The following AEBP2 variants were observed in gnomAD, a reference collection of about 807,000 sequenced individuals.
AEBP2 encodes the protein zinc finger protein AEBP2.
A neutral mutation model predicts 50.8 loss-of-function variants in AEBP2; 10 were observed. The observed-to-expected ratio is 0.20, with a 90% confidence interval of 0.12 to 0.33. The LOEUF is 0.33. Ranked by LOEUF, AEBP2 falls within the 10% of genes least tolerant of loss-of-function variation. The pLI is 1.00. For missense variants in AEBP2, 570 were observed against 688.0 expected (o/e 0.83, Z 1.92); for synonymous variants, 296 against 261.3 (o/e 1.13, Z -1.28).
rs1949392781 is a variant in AEBP2 at position 19,521,204 on chromosome 12, T to G, written c.*3087T>G. ...GACAAAAAGTTTGGAAACATAAACT[T>G]AGACCACACAACTTGCATTTTAATA... On this transcript the variant is annotated 3_prime_UTR_variant, in exon 8 of 8. Transcript: ENST00000266508. The G allele has an allele frequency of 2.0e-5, 3 of 152,340 alleles. No homozygotes were observed. The South Asian group carries it at 6.2e-4, about 32-fold the overall frequency. The allele number at this position is 152,340 out of a possible 1,614,324, so 9.4% of individuals were successfully genotyped here. A position where few individuals can be genotyped will look rare whatever the true frequency, so the allele number is the denominator to read the frequency against.
At chr12:19,415,982 A>G (rs777263259) in intron 1 of AEBP2, among the ~76,000 whole-genome samples, 1 of 152,180 alleles carries the variant, frequency 6.6e-6, no homozygotes, top group African/African-American at 2.4e-5. Context: ...TGAGAGTTCC[A>G]GACCAGCCTG....
chr12:19,457,571 A>G (rs1948293023), intron 1 of AEBP2: 3 of 1,484,666 alleles, frequency 2.0e-6, no homozygotes, highest in Non-Finnish European at 2.7e-6. Context: ...TGTAGTTCAG[A>G]TGGCCAGTAG....
intron 3 of AEBP2, among the ~76,000 whole-genome samples, chr12:19,485,817 G>C (rs1022198158): frequency 2.6e-5 from 4 of 151,784 alleles, no homozygotes; most frequent in African/African-American, 9.7e-5. Flanking sequence ...TTCTTCAATA[G>C]TGACCTATGA....
chr12:19,465,386 T>A (rs1200197786), intron 2 of AEBP2, among the ~76,000 whole-genome samples: 1 of 151,718 alleles, frequency 6.6e-6, no homozygotes, highest in Non-Finnish European at 1.5e-5. Context: ...AGAATGAGAC[T>A]CTGTCTCAAA....
intron 3 of AEBP2, among the ~76,000 whole-genome samples, chr12:19,481,276 T>A (rs529253340): frequency 6.6e-6 from 1 of 151,106 alleles, no homozygotes. Flanking sequence ...AAGTTTTGTA[T>A]TTTTTTAGTA....
intron 1 of AEBP2, among the ~76,000 whole-genome samples, chr12:19,450,423 T>C (rs1948146774): frequency 6.6e-6 from 1 of 150,922 alleles, no homozygotes; most frequent in Admixed American, 6.7e-5. Context: ...TCTGCCTGAA[T>C]GGGTCAAATT....
chr12:19,456,061 C>T (rs2153369026), intron 1 of AEBP2, among the ~76,000 whole-genome samples: 1 of 152,076 alleles, frequency 6.6e-6, no homozygotes, highest in Non-Finnish European at 1.5e-5. Flanking sequence ...TTAAAACTGC[C>T]ACGCGCAAAA....
chr12:19,453,673 C>G (rs1948208126), intron 1 of AEBP2, among the ~76,000 whole-genome samples: 1 of 152,164 alleles, frequency 6.6e-6, no homozygotes. Flanking sequence ...ATCCACCCGC[C>G]TTGGCCTCCC....
At chr12:19,429,892 A>G (rs553936877) in intron 1 of AEBP2, among the ~76,000 whole-genome samples, 1 of 151,668 alleles carries the variant, frequency 6.6e-6, no homozygotes, top group East Asian at 1.9e-4. Context: ...TTGTCAGATG[A>G]GTAGATTGCA....
rs1008208425 is a variant in AEBP2, at chr12:19,518,444, T to G, written c.*327T>G. On this transcript the variant is annotated 3_prime_UTR_variant, in exon 8 of 8. Coordinates refer to ENST00000266508, the MANE Select transcript of AEBP2 (RefSeq NM_153207.5). ...TGCTTGCTGCTTTAAGCTGCTTTTT[T>G]TTTTCTTTTCTTCCCTTTAGTGATT... is the stretch of plus-strand genomic sequence containing the variant. The G allele has an allele frequency of 2.4e-6, 3 of 1,237,610 alleles. No homozygotes were observed. The highest frequency in any genetic ancestry group is 3.0e-6 in the Non-Finnish European group (3 of 988,786). The allele number at this position is 1,237,610 out of a possible 1,614,324, so 76.7% of individuals were successfully genotyped here.
chr12:19,498,824 C>A, intron 4 of AEBP2, among the ~76,000 whole-genome samples: 1 of 151,970 alleles, frequency 6.6e-6, no homozygotes, highest in East Asian at 1.9e-4. Flanking sequence ...CACTAAAATA[C>A]TGCCTACTCT....
At chr12:19,446,228 G>T (rs995810459) in intron 1 of AEBP2, among the ~76,000 whole-genome samples, 1 of 152,100 alleles carries the variant, frequency 6.6e-6, no homozygotes, top group Non-Finnish European at 1.5e-5. Context: ...GAAACATGAC[G>T]GTATCTCCTC....
At chr12:19,413,452 G>C in intron 1 of AEBP2, 2 of 1,102,226 alleles carry the variant, frequency 1.8e-6, no homozygotes, top group Non-Finnish European at 2.8e-6. Context: ...TGAAGAAGAC[G>C]ATTATTGAAC....
chr12:19,456,152 T>C, intron 1 of AEBP2: 1 of 848,608 alleles, frequency 1.2e-6, no homozygotes, highest in Non-Finnish European at 1.8e-6. Flanking sequence ...AGTCTTTTAC[T>C]ACTAAACTTA....
At chr12:19,407,584 G>A (rs1014399402) in intron 1 of AEBP2, among the ~76,000 whole-genome samples, 5 of 152,118 alleles carry the variant, frequency 3.3e-5, no homozygotes, top group Non-Finnish European at 4.4e-5. Flanking sequence ...TTACAGGCGT[G>A]AGCCACTACG....
chr12:19,517,948 A>C (rs1949344272), intron 7 of AEBP2, 139 bp from the exon 8 acceptor site: 2 of 785,748 alleles, frequency 2.5e-6, no homozygotes, highest in African/African-American at 3.6e-5. Flanking sequence ...CATATGTATA[A>C]ATGTTTTGGA....
chr12:19,450,882 A>T (rs1948156721), intron 1 of AEBP2, among the ~76,000 whole-genome samples: 1 of 151,348 alleles, frequency 6.6e-6, no homozygotes, highest in South Asian at 2.1e-4. Context: ...GTTGCACTAA[A>T]GGAGTATTAG....
At chr12:19,488,845 A>C (rs984195033) in intron 3 of AEBP2, among the ~76,000 whole-genome samples, 1 of 152,128 alleles carries the variant, frequency 6.6e-6, no homozygotes, top group African/African-American at 2.4e-5. Context: ...CACCCAGAGC[A>C]ATGGTGCGAT....
upstream of AEBP2, among the ~76,000 whole-genome samples, chr12:19,435,428 G>A (rs1347425430): frequency 1.3e-5 from 2 of 152,016 alleles, no homozygotes; most frequent in African/African-American, 2.4e-5. Flanking sequence ...TGTAGAGATA[G>A]GGTTTCACCT....
Sources: gnomAD v4.1 joint callset for allele counts (sites outside exome capture counted in the v4.1 genomes callset) on GRCh38, gnomAD v4.1.1 for gene constraint, MANE v1.5 for transcripts, NCBI Gene and HGNC (gene_info 2026-07-23, HGNC 2026-07-21) for gene names.